The following ALG5 variants were observed in gnomAD, a reference collection of about 807,000 sequenced individuals.
ALG5 encodes the protein dolichyl-phosphate beta-glucosyltransferase.
In ALG5, 26 loss-of-function variants were observed where a neutral mutation model predicts 51.8. That is an observed-to-expected ratio of 0.50 (90% CI 0.37 to 0.70). ALG5 has a LOEUF of 0.70. Among genes scored for constraint, ALG5 ranks in the 30% least tolerant of loss-of-function variants. The pLI is 0.00. For missense variants in ALG5, 311 were observed against 399.3 expected (o/e 0.78, Z 1.88); for synonymous variants, 141 against 136.1 (o/e 1.04, Z -0.25).
chr13:36,973,685 T>C (rs1455236082), intron 6 of ALG5, among the ~76,000 whole-genome samples: 1 of 152,144 alleles, frequency 6.6e-6, no homozygotes, highest in Admixed American at 6.6e-5. Flanking sequence ...TGGCAATTTA[T>C]ACTACAGACA....
intron 1 of ALG5, 130 bp downstream of exon 1, chr13:36,999,105 T>A (rs1015949017): frequency 1.3e-6 from 1 of 751,578 alleles, no homozygotes; most frequent in Admixed American, 4.2e-5. Context: ...AGGTCAGGAA[T>A]TTGGGGGAAT....
chr13:36,982,311 T>C (rs1434907709), intron 6 of ALG5, among the ~76,000 whole-genome samples: 1 of 152,226 alleles, frequency 6.6e-6, no homozygotes, highest in East Asian at 1.9e-4. Context: ...ACAGCTGAGC[T>C]GAGACAGAAT....
intron 8 of ALG5, among the ~76,000 whole-genome samples, chr13:36,963,175 T>C (rs767649351): frequency 1.4e-4 from 21 of 152,114 alleles, no homozygotes; most frequent in Admixed American, 9.8e-4. Flanking sequence ...GGTCTTTAAC[T>C]CCCGGCCTCA....
At chr13:36,992,824 G>A (rs1057457327) in intron 4 of ALG5, among the ~76,000 whole-genome samples, 2 of 152,108 alleles carry the variant, frequency 1.3e-5, no homozygotes, top group Admixed American at 6.5e-5. Context: ...GCGAAAACTG[G>A]TTTGTTTTAA....
chr13:36,998,525 C>T (rs981134653), intron 1 of ALG5, among the ~76,000 whole-genome samples: 2 of 152,164 alleles, frequency 1.3e-5, no homozygotes, highest in African/African-American at 4.8e-5. Flanking sequence ...CAATTTTCTA[C>T]CACTTAACAA....
intron 3 of ALG5, among the ~76,000 whole-genome samples, 162 bp from the exon 4 acceptor site, chr13:36,993,834 A>G (rs1034649749): frequency 4.0e-5 from 6 of 148,836 alleles, no homozygotes; most frequent in Admixed American, 2.0e-4. Context: ...AGGCTAAGTA[A>G]AAAGAGAGAG....
rs139376825 is a variant in ALG5, at chr13:36,989,975, G to C, written c.355-399C>G. ...ACACTGGTTAATGACTTTTGTATTT[G>C]TTCTGGTCTGCAATCGCTCTTATTC... On this transcript the variant is annotated intron_variant, in intron 4 of 9. Coordinates refer to ENST00000239891, the MANE Select transcript of ALG5 (RefSeq NM_013338.5). Among the ~76,000 whole-genome samples the C allele has an allele frequency of 1.6e-4, 25 of 152,314 alleles. 1 individual carries two copies. The highest frequency in any genetic ancestry group is 5.8e-4 in the African/African-American group (24 of 41,576).
intron 6 of ALG5, among the ~76,000 whole-genome samples, chr13:36,981,634 A>G (rs1336532053): frequency 6.6e-6 from 1 of 152,342 alleles, no homozygotes; most frequent in East Asian, 1.9e-4. Flanking sequence ...AGAAATCCAC[A>G]CCAGTATAGA....
chr13:36,966,093 A>G (rs1366651024), intron 7 of ALG5, among the ~76,000 whole-genome samples: 1 of 152,184 alleles, frequency 6.6e-6, no homozygotes, highest in Non-Finnish European at 1.5e-5. Flanking sequence ...CAGTTTCAAA[A>G]AAGCTGTCAG....
chr13:36,989,338 C>T (rs2059015648), intron 5 of ALG5, 146 bp downstream of exon 5: 2 of 604,200 alleles, frequency 3.3e-6, no homozygotes, highest in South Asian at 2.3e-5. Context: ...TAAAATTTGA[C>T]TAAAAACATG....
At position 36,949,802 on chromosome 13, in the gene ALG5, T is replaced by C. The variant is rs551637415; in HGVS notation, c.*140A>G. 1.5e-5 allele frequency: 7 copies of C among 471,820 alleles called. 1 individual carries two copies. The South Asian group carries it at 3.7e-4, about 25-fold the overall frequency. 29.2% of individuals were successfully genotyped at this position (471,820 alleles called of 1,614,324 possible). On this transcript the variant is annotated 3_prime_UTR_variant, in exon 10 of 10. Coordinates refer to ENST00000239891, the MANE Select transcript of ALG5 (RefSeq NM_013338.5). Reference sequence around the variant, plus strand: ...CCAAAGAGATATATAATTTTTTACTTATGGAAAGTTATTTCTTTAAAATTA... The same window carrying C: ...CCAAAGAGATATATAATTTTTTACTCATGGAAAGTTATTTCTTTAAAATTA...
rs533613875 is a variant in ALG5, at chr13:36,976,387, T to C, written c.562-4351A>G. On this transcript the variant is annotated intron_variant, in intron 6 of 9. Coordinates refer to ENST00000239891, the MANE Select transcript of ALG5 (RefSeq NM_013338.5). Reference sequence around the variant, plus strand: ...GTTGCAGTGAGACAAGATTGCGCCATTGCACTCCATCTTCAGTGACAGAGC... The same window carrying C: ...GTTGCAGTGAGACAAGATTGCGCCACTGCACTCCATCTTCAGTGACAGAGC... 5.8e-5 allele frequency among the ~76,000 whole-genome samples: 8 copies of C among 137,682 alleles called. No homozygotes were observed. The South Asian group carries it at 1.6e-3, about 28-fold the overall frequency. The allele number at this position is 137,682 out of a possible 152,430, so 90.3% of individuals were successfully genotyped here.
intron 7 of ALG5, among the ~76,000 whole-genome samples, chr13:36,968,566 TCTATCAGGG>T (rs778890983): frequency 3.3e-5 from 5 of 152,202 alleles, no homozygotes; most frequent in Non-Finnish European, 5.9e-5. Context: ...GATACAAGAC[TCTATCAGGG>T]CAGTGTCATG....
At chr13:36,986,324 T>C (rs1050767670) in intron 5 of ALG5, among the ~76,000 whole-genome samples, 3 of 152,196 alleles carry the variant, frequency 2.0e-5, no homozygotes, top group African/African-American at 7.2e-5. Context: ...AACAGCAAAA[T>C]TATGCCATTC....
intron 8 of ALG5, among the ~76,000 whole-genome samples, chr13:36,954,880 CACA>C (rs1337847241): frequency 6.6e-6 from 1 of 152,034 alleles, no homozygotes; most frequent in Admixed American, 6.6e-5. Flanking sequence ...TCAAAATTAA[CACA>C]ACAATATGGA....
intron 8 of ALG5, among the ~76,000 whole-genome samples, chr13:36,956,305 C>T (rs556529228): frequency 6.6e-6 from 1 of 152,090 alleles, no homozygotes; most frequent in East Asian, 1.9e-4. Flanking sequence ...GTCAGAATGG[C>T]CATTATAAAA....
chr13:36,995,662 T>C, intron 1 of ALG5, 66 bp from the exon 2 acceptor site: 1 of 1,403,748 alleles, frequency 7.1e-7, no homozygotes, highest in Non-Finnish European at 9.8e-7. Flanking sequence ...TCTGTATTTA[T>C]GTTAGAATAC....
intron 3 of ALG5, 138 bp from the exon 4 acceptor site, chr13:36,993,810 C>T (rs551286093): frequency 1.6e-5 from 11 of 669,452 alleles, no homozygotes; most frequent in South Asian, 5.5e-5. Flanking sequence ...GTGCACAAAC[C>T]GCATAAAATA....
chr13:36,988,719 T>TGAGA (rs112017535), intron 5 of ALG5, among the ~76,000 whole-genome samples: 11,508 of 152,172 alleles, frequency 0.076, 1,455 homozygotes, highest in African/African-American at 0.26. Context: ...ATTTCCCTTC[T>TGAGA]CCTTCCTGTT....
Sources: gnomAD v4.1 joint callset for allele counts (sites outside exome capture counted in the v4.1 genomes callset) on GRCh38, gnomAD v4.1.1 for gene constraint, MANE v1.5 for transcripts, NCBI Gene and HGNC (gene_info 2026-07-23, HGNC 2026-07-21) for gene names.